Variants in ASIC2 observed in about 807,000 individuals in gnomAD.
ASIC2 encodes the protein acid sensing ion channel subunit 2, also known as acid-sensing ion channel 2.
Under a neutral mutation model 57.3 loss-of-function variants are expected in ASIC2, and 25 were observed. The observed-to-expected ratio is 0.44, with a 90% CI of 0.32 to 0.61. The LOEUF is 0.61. Ranked by LOEUF, ASIC2 falls within the 20% of genes least tolerant of loss-of-function variation. ASIC2 has a pLI of 0.06. For missense variants in ASIC2, 641 were observed against 738.1 expected, an observed-to-expected ratio of 0.87 and a Z score of 1.52; for synonymous variants, 319 against 307.5, an observed-to-expected ratio of 1.04 and a Z score of -0.39.
At chr17:33,822,704 G>A (rs934333291) in intron 1 of ASIC2, among the ~76,000 whole-genome samples, 2 of 152,172 alleles carry the variant, frequency 1.3e-5, no homozygotes, top group African/African-American at 4.8e-5. Context: ...CACAACAGAG[G>A]TAATGTTTGG....
intron 1 of ASIC2, among the ~76,000 whole-genome samples, chr17:33,585,526 G>C (rs913596076): frequency 2.0e-5 from 3 of 152,206 alleles, no homozygotes; most frequent in Non-Finnish European, 4.4e-5. Context: ...AGTGGAGAAA[G>C]GACTGTTTTT....
intron 1 of ASIC2, among the ~76,000 whole-genome samples, chr17:33,586,352 A>G (rs998396189): frequency 5.3e-5 from 8 of 152,154 alleles, no homozygotes; most frequent in Non-Finnish European, 1.5e-5. Flanking sequence ...GATACGTCTT[A>G]TAAAATTCTT....
At chr17:34,096,630 G>A (rs184286786) in intron 1 of ASIC2, among the ~76,000 whole-genome samples, 50 of 152,064 alleles carry the variant, frequency 3.3e-4, no homozygotes, top group Admixed American at 2.4e-3. Context: ...CCAGGCAGGC[G>A]GATCACGAGG....
chr17:33,202,899 T>C (rs569587403), intron 1 of ASIC2, among the ~76,000 whole-genome samples: 1 of 152,262 alleles, frequency 6.6e-6, no homozygotes, highest in South Asian at 2.1e-4. Context: ...TTTGTTTTTC[T>C]CCGGGGACCA....
intron 1 of ASIC2, among the ~76,000 whole-genome samples, chr17:33,885,987 G>A (rs317378): frequency 0.27 from 40,603 of 152,084 alleles, 5,620 homozygotes; most frequent in Middle Eastern, 0.37. Flanking sequence ...GACCATCTCA[G>A]TACCTTGCAT....
intron 1 of ASIC2, among the ~76,000 whole-genome samples, chr17:33,725,306 T>C (rs558470963): frequency 6.0e-4 from 91 of 152,320 alleles, no homozygotes; most frequent in Non-Finnish European, 7.6e-4. Flanking sequence ...AGGGCTCAGC[T>C]TAAAGGAAGA....
At chr17:33,094,227 GGA>G (rs1887807413) in intron 2 of ASIC2, among the ~76,000 whole-genome samples, 1 of 152,160 alleles carries the variant, frequency 6.6e-6, no homozygotes, top group African/African-American at 2.4e-5. Context: ...GAGGGAGAGA[GGA>G]GAGTCAAGCT....
At chr17:33,497,144 T>A (rs1913961982) in intron 1 of ASIC2, among the ~76,000 whole-genome samples, 1 of 152,238 alleles carries the variant, frequency 6.6e-6, no homozygotes, top group Non-Finnish European at 1.5e-5. Flanking sequence ...AGTGGGCATG[T>A]GTGATTTGTC....
At chr17:33,535,383 C>A (rs1915196117) in intron 1 of ASIC2, among the ~76,000 whole-genome samples, 1 of 151,914 alleles carries the variant, frequency 6.6e-6, no homozygotes, top group Non-Finnish European at 1.5e-5. Flanking sequence ...TGCCATTCTC[C>A]TGCCTCAGCC....
intron 3 of ASIC2, among the ~76,000 whole-genome samples, chr17:33,070,425 C>T (rs941625612): frequency 6.6e-5 from 10 of 150,816 alleles, no homozygotes; most frequent in Non-Finnish European, 1.0e-4. Context: ...GCAACTTCTG[C>T]CTCCCGGGTT....
chr17:33,627,643 T>G (rs1906029484), intron 1 of ASIC2, among the ~76,000 whole-genome samples: 1 of 152,212 alleles, frequency 6.6e-6, no homozygotes, highest in South Asian at 2.1e-4. Context: ...TGATTCCTGT[T>G]AAGTTCAATG....
chr17:33,559,815 T>G (rs535017541), intron 1 of ASIC2, among the ~76,000 whole-genome samples: 1 of 152,138 alleles, frequency 6.6e-6, no homozygotes, highest in African/African-American at 2.4e-5. Context: ...AGTACCTGCC[T>G]TATGATAGCT....
intron 1 of ASIC2, among the ~76,000 whole-genome samples, chr17:33,585,942 C>A (rs894325698): frequency 6.6e-6 from 1 of 152,098 alleles, no homozygotes; most frequent in African/African-American, 2.4e-5. Context: ...CTTTTTGGAG[C>A]GTAGTGCCAC....
At chr17:33,510,875 A>C (rs1914410473) in intron 1 of ASIC2, among the ~76,000 whole-genome samples, 1 of 151,992 alleles carries the variant, frequency 6.6e-6, no homozygotes, top group Admixed American at 6.5e-5. Context: ...AGACATGAAC[A>C]TGTCACCCTG....
intron 1 of ASIC2, among the ~76,000 whole-genome samples, chr17:33,481,039 T>A: frequency 6.6e-6 from 1 of 152,222 alleles, no homozygotes; most frequent in East Asian, 1.9e-4. Context: ...CCACTAGTCA[T>A]CATCAGCCAC....
At chr17:34,000,842 T>G (rs984035116) in intron 1 of ASIC2, 15 of 152,324 alleles carry the variant, frequency 9.8e-5, no homozygotes, top group African/African-American at 2.6e-4. Context: ...TCTGCTTGAT[T>G]GAGTCTGCTG....
intron 3 of ASIC2, among the ~76,000 whole-genome samples, chr17:33,050,060 G>A (rs2091969403): frequency 6.6e-6 from 1 of 152,142 alleles, no homozygotes; most frequent in African/African-American, 2.4e-5. Context: ...AATGCTATCG[G>A]GTAAGCCTGC....
intron 1 of ASIC2, among the ~76,000 whole-genome samples, chr17:33,952,440 G>C (rs1904607950): frequency 6.6e-6 from 1 of 152,114 alleles, no homozygotes; most frequent in South Asian, 2.1e-4. Context: ...AATAAAAATA[G>C]GACCCCACTT....
intron 1 of ASIC2, among the ~76,000 whole-genome samples, chr17:33,359,204 C>G (rs756223798): frequency 1.3e-5 from 2 of 152,094 alleles, no homozygotes; most frequent in African/African-American, 4.8e-5. Flanking sequence ...AATGGGAAGG[C>G]CAAAGAGACA....
Sources: gnomAD v4.1 joint callset for allele counts (sites outside exome capture counted in the v4.1 genomes callset) on GRCh38, gnomAD v4.1.1 for gene constraint, MANE v1.5 for transcripts, NCBI Gene and HGNC (gene_info 2026-07-23, HGNC 2026-07-21) for gene names.